Variants in CPNE9 observed in about 807,000 individuals in gnomAD.
CPNE9 encodes copine family member 9, also known as copine-9.
A neutral mutation model predicts 83.0 loss-of-function variants in CPNE9; 59 were observed. The observed-to-expected ratio is 0.71, with a 90% CI of 0.58 to 0.88. CPNE9 has a LOEUF of 0.88. Ranked by LOEUF, CPNE9 falls within the 40% of genes least tolerant of loss-of-function variation. The pLI is 0.00. For missense variants in CPNE9, 619 were observed against 720.8 expected (o/e 0.86, Z 1.62); for synonymous variants, 256 against 273.4 (o/e 0.94, Z 0.63).
At chr3:9,725,647 T>C (rs558140012) in intron 17 of CPNE9, among the ~76,000 whole-genome samples, 1 of 115,804 alleles carries the variant, frequency 8.6e-6, no homozygotes, top group South Asian at 2.6e-4. Flanking sequence ...CATGTATGTG[T>C]ATATATGTGT....
At chr3:9,711,436 C>T (rs990925628) in intron 7 of CPNE9, among the ~76,000 whole-genome samples, 2 of 151,860 alleles carry the variant, frequency 1.3e-5, no homozygotes, top group African/African-American at 2.4e-5. Flanking sequence ...AGGCTGGTCT[C>T]GAGCTCCCGA....
chr3:9,719,920 G>A (rs1354460215), intron 17 of CPNE9, among the ~76,000 whole-genome samples: 1 of 151,124 alleles, frequency 6.6e-6, no homozygotes, highest in South Asian at 2.1e-4. Context: ...GAACCTGGGA[G>A]GCAGAGGGTG....
chr3:9,722,761 GAT>G (rs1259316569), intron 17 of CPNE9, among the ~76,000 whole-genome samples: 4 of 152,152 alleles, frequency 2.6e-5, no homozygotes, highest in African/African-American at 9.6e-5. Flanking sequence ...GGGATCCTCT[GAT>G]CTCAGCCTCC....
At chr3:9,711,351 C>T (rs1020193094) in intron 7 of CPNE9, among the ~76,000 whole-genome samples, 10 of 151,720 alleles carry the variant, frequency 6.6e-5, no homozygotes, top group Non-Finnish European at 1.2e-4. Flanking sequence ...TACAGGCGCC[C>T]GCCACCACGC....
chr3:9,727,290 C>G, intron 20 of CPNE9, 104 bp downstream of exon 20: 1 of 1,194,048 alleles, frequency 8.4e-7, no homozygotes, highest in Non-Finnish European at 1.3e-6. Context: ...CTACTTTTTT[C>G]CCCCGTCACT....
chr3:9,704,666 T>C lies in CPNE9; in HGVS notation c.109+39T>C, dbSNP rs774872743. ...GGACCGGGAGGGGGAACTTGGGGTC[T>C]GGGCGCGACTCAGGGGCGGGTGGAG... On this transcript the variant is annotated intron_variant, in intron 2 of 20. Transcript: ENST00000383832. The surrounding 1 kb of genome is among the most constrained non-coding windows in gnomAD (Gnocchi z 7.1). 8 of 1,611,746 alleles carry C rather than the reference T, an allele frequency of 5.0e-6. No homozygotes were observed. In the African/African-American group the frequency reaches 9.4e-5, roughly 19 times the overall value.
At chr3:9,722,954 G>A (rs1363074058) in intron 17 of CPNE9, among the ~76,000 whole-genome samples, 10 of 152,148 alleles carry the variant, frequency 6.6e-5, no homozygotes, top group African/African-American at 2.2e-4. Flanking sequence ...TAGGTTAGAT[G>A]TTACATCCTC....
At chr3:9,723,701 G>A (rs1220582134) in intron 17 of CPNE9, among the ~76,000 whole-genome samples, 1 of 152,066 alleles carries the variant, frequency 6.6e-6, no homozygotes, top group Admixed American at 6.5e-5. Context: ...GCGCCACCAA[G>A]CCCAGCTAAT....
chr3:9,707,226 G>A (rs1281408465), intron 7 of CPNE9, among the ~76,000 whole-genome samples: 17 of 151,790 alleles, frequency 1.1e-4, no homozygotes, highest in African/African-American at 3.6e-4. Flanking sequence ...GGTGGTGGGT[G>A]CCTGTAGTCC....
chr3:9,713,605 A>G (rs942780509), intron 10 of CPNE9, among the ~76,000 whole-genome samples: 12 of 152,164 alleles, frequency 7.9e-5, no homozygotes, highest in African/African-American at 2.9e-4. Flanking sequence ...GGATGAATAG[A>G]AAAGCAGGTG....
chr3:9,717,206 C>T (rs1389450061), intron 15 of CPNE9, 102 bp downstream of exon 15: 3 of 1,243,626 alleles, frequency 2.4e-6, no homozygotes, highest in Non-Finnish European at 3.5e-6. Context: ...AGTTTACCTA[C>T]CCAAGAAGCC....
rs778765757 is a variant in CPNE9 at position 9,715,964 on chromosome 3, T to G, written c.823-10T>G. The G allele has an allele frequency of 1.9e-6, 3 of 1,610,588 alleles. No homozygotes were observed. ...TCCAAAGTGCCAGGGCTGCCTATTC[T>G]GTCCCACAGGTGACGCTGCTCTCCT... On this transcript the variant is annotated splice_polypyrimidine_tract_variant and intron_variant, in intron 13 of 20. Transcript: ENST00000383832.
intron 20 of CPNE9, among the ~76,000 whole-genome samples, chr3:9,728,171 T>C (rs997251993): frequency 2.0e-5 from 3 of 152,128 alleles, no homozygotes; most frequent in Non-Finnish European, 2.9e-5. Context: ...CAACTAAATA[T>C]GTGGTTCTAG....
At chr3:9,705,614 C>T (rs2076556145) in intron 5 of CPNE9, 104 bp from the exon 6 acceptor site, 1 of 1,566,704 alleles carries the variant, frequency 6.4e-7, no homozygotes, top group African/African-American at 1.4e-5. Flanking sequence ...TCTTCAGGCC[C>T]CCAACCCACC....
At chr3:9,725,598 G>A (rs429621) in intron 17 of CPNE9, among the ~76,000 whole-genome samples, 11 of 132,924 alleles carry the variant, frequency 8.3e-5, no homozygotes, top group South Asian at 6.7e-4. Context: ...ATATATATGT[G>A]TATATGTATG....
At chr3:9,723,202 T>G (rs1382527393) in intron 17 of CPNE9, among the ~76,000 whole-genome samples, 1 of 152,208 alleles carries the variant, frequency 6.6e-6, no homozygotes, top group Non-Finnish European at 1.5e-5. Context: ...CTGGCCACAG[T>G]GGCTCATGCC....
At chr3:9,706,549 G>C (rs942942352) in intron 7 of CPNE9, among the ~76,000 whole-genome samples, 4 of 152,200 alleles carry the variant, frequency 2.6e-5, no homozygotes, top group African/African-American at 7.2e-5. Context: ...GCTTGCAATG[G>C]TGAACAAAAC....
chr3:9,725,866 A>T, intron 17 of CPNE9, 83 bp from the exon 18 acceptor site: 1 of 1,044,850 alleles, frequency 9.6e-7, no homozygotes, highest in Non-Finnish European at 1.5e-6. Flanking sequence ...CTGCCCACAC[A>T]CTGGCTGTGG....
intron 17 of CPNE9, among the ~76,000 whole-genome samples, chr3:9,725,706 G>GTATATATA (rs1559646289): frequency 6.1e-5 from 9 of 147,994 alleles, no homozygotes; most frequent in Admixed American, 1.4e-4. Context: ...GTGTATATAT[G>GTATATATA]TGTATATATG....
Sources: gnomAD v4.1 joint callset for allele counts (sites outside exome capture counted in the v4.1 genomes callset) on GRCh38, gnomAD v4.1.1 for gene constraint, Gnocchi (gnomAD v3.1) non-coding constraint, MANE v1.5 for transcripts, NCBI Gene and HGNC (gene_info 2026-07-23, HGNC 2026-07-21) for gene names.